The following CCSER1 variants were observed in gnomAD, a reference collection of about 807,000 sequenced individuals.
The protein encoded by CCSER1 is coiled-coil serine rich protein 1, also known as serine-rich coiled-coil domain-containing protein 1.
A neutral mutation model predicts 82.0 loss-of-function variants in CCSER1; 41 were observed. That is an observed-to-expected ratio of 0.50 (90% CI 0.39 to 0.65). The LOEUF (loss-of-function observed/expected upper bound fraction) is 0.65. Ranked by LOEUF, CCSER1 falls within the 30% of genes least tolerant of loss-of-function variation. The pLI is 0.00. For synonymous variants in CCSER1, 414 were observed against 383.9 expected, an observed-to-expected ratio of 1.08 and a Z score of -0.92; for missense variants, 1,119 against 1,064.2, an observed-to-expected ratio of 1.05 and a Z score of -0.72.
chr4:90,359,772 T>G (rs1218809799), intron 3 of CCSER1, among the ~76,000 whole-genome samples: 1 of 151,498 alleles, frequency 6.6e-6, no homozygotes, highest in African/African-American at 2.4e-5. Flanking sequence ...AATAAATCAG[T>G]CTTATCTATG....
chr4:90,553,671 A>G (rs1777785960), intron 5 of CCSER1, among the ~76,000 whole-genome samples: 1 of 152,174 alleles, frequency 6.6e-6, no homozygotes, highest in Admixed American at 6.5e-5. Context: ...ATTGGTTATA[A>G]ATAATCTTAT....
chr4:91,458,603 C>G (rs1185982892), intron 10 of CCSER1, among the ~76,000 whole-genome samples: 3 of 152,074 alleles, frequency 2.0e-5, no homozygotes, highest in African/African-American at 7.2e-5. Flanking sequence ...CTGTAGATCA[C>G]TTTGGGTGGT....
At chr4:91,449,858 T>C (rs1039253437) in intron 10 of CCSER1, among the ~76,000 whole-genome samples, 1 of 152,106 alleles carries the variant, frequency 6.6e-6, no homozygotes, top group Admixed American at 6.6e-5. Context: ...TAAAGCTGAA[T>C]AAAGTATATA....
intron 10 of CCSER1, among the ~76,000 whole-genome samples, chr4:91,323,582 G>C (rs1746345608): frequency 6.6e-6 from 1 of 152,086 alleles, no homozygotes. Flanking sequence ...ACACATTTAA[G>C]ATACATAGGT....
intron 10 of CCSER1, among the ~76,000 whole-genome samples, chr4:91,432,254 T>C (rs1754373323): frequency 6.6e-6 from 1 of 152,204 alleles, no homozygotes; most frequent in Admixed American, 6.5e-5. Context: ...GATTATCCAG[T>C]CTCAATTAGT....
At chr4:91,229,781 C>A (rs940893431) in intron 10 of CCSER1, among the ~76,000 whole-genome samples, 1 of 152,032 alleles carries the variant, frequency 6.6e-6, no homozygotes, top group South Asian at 2.1e-4. Context: ...GGGAGTTAAA[C>A]AATGAGAACG....
chr4:91,558,286 C>A (rs1181581639), intron 10 of CCSER1, among the ~76,000 whole-genome samples: 1 of 151,520 alleles, frequency 6.6e-6, no homozygotes, highest in East Asian at 1.9e-4. Flanking sequence ...ATTATTCCAG[C>A]CATTTTAAAA....
At chr4:91,109,658 A>C (rs2148869091) in intron 10 of CCSER1, among the ~76,000 whole-genome samples, 1 of 152,326 alleles carries the variant, frequency 6.6e-6, no homozygotes, top group East Asian at 1.9e-4. Flanking sequence ...GGCAACAAGA[A>C]AATGAATGTG....
intron 6 of CCSER1, among the ~76,000 whole-genome samples, chr4:90,661,307 ATTCG>A (rs1481591479): frequency 1.3e-5 from 2 of 152,202 alleles, no homozygotes; most frequent in African/African-American, 4.8e-5. Context: ...TATGACCTTT[ATTCG>A]TTATCATAAG....
chr4:91,083,599 AAT>A (rs1348695684), intron 9 of CCSER1, among the ~76,000 whole-genome samples: 4 of 152,120 alleles, frequency 2.6e-5, no homozygotes, highest in African/African-American at 9.6e-5. Context: ...AACTATTACA[AAT>A]AAAAATGTCA....
At chr4:90,413,773 C>T (rs1755273358) in intron 4 of CCSER1, among the ~76,000 whole-genome samples, 1 of 148,346 alleles carries the variant, frequency 6.7e-6, no homozygotes, top group Non-Finnish European at 1.5e-5. Context: ...GAAACCCCGT[C>T]TCCACTAAAA....
At chr4:91,358,296 C>A (rs1361624117) in intron 10 of CCSER1, among the ~76,000 whole-genome samples, 1 of 150,722 alleles carries the variant, frequency 6.6e-6, no homozygotes, top group Non-Finnish European at 1.5e-5. Flanking sequence ...ACCTTTGAAA[C>A]AAGGGACCTG....
chr4:90,341,370 T>C (rs960637144), intron 3 of CCSER1, among the ~76,000 whole-genome samples: 1 of 152,110 alleles, frequency 6.6e-6, no homozygotes, highest in Non-Finnish European at 1.5e-5. Context: ...TTAGATGGCA[T>C]GTAAATCAGA....
intron 8 of CCSER1, among the ~76,000 whole-genome samples, chr4:90,837,090 C>T (rs887183027): frequency 8.6e-5 from 13 of 152,044 alleles, no homozygotes. Context: ...AAGAAGCAAT[C>T]AAAGCATATG....
intron 8 of CCSER1, among the ~76,000 whole-genome samples, chr4:90,834,365 T>C (rs1254798389): frequency 6.6e-6 from 1 of 152,208 alleles, no homozygotes; most frequent in East Asian, 1.9e-4. Context: ...GTAAGTTGAA[T>C]AAAGAATTGA....
chr4:91,470,734 T>G (rs1757228061), intron 10 of CCSER1, among the ~76,000 whole-genome samples: 1 of 152,180 alleles, frequency 6.6e-6, no homozygotes, highest in South Asian at 2.1e-4. Flanking sequence ...CTGCTATGAG[T>G]TCTTGTAATC....
chr4:90,379,776 C>T lies in CCSER1; in HGVS notation c.1510-20260C>T, dbSNP rs371026553. On this transcript the variant is annotated intron_variant, in intron 3 of 10. Coordinates refer to ENST00000509176, the MANE Select transcript of CCSER1 (RefSeq NM_001145065.2). ...CATTGCTCTAAAGAAATATCCGAGA[C>T]TGGGTAATTTATAAGCAAAAGATAT... is the stretch of plus-strand genomic sequence containing the variant. Among the ~76,000 whole-genome samples the T allele has an allele frequency of 3.3e-3, 509 of 152,166 alleles. 4 individuals carry two copies. The highest frequency in any genetic ancestry group is 0.011 in the African/African-American group (469 of 41,504).
At chr4:91,557,498 C>T in intron 10 of CCSER1, among the ~76,000 whole-genome samples, 1 of 151,258 alleles carries the variant, frequency 6.6e-6, no homozygotes, top group East Asian at 1.9e-4. Context: ...AGAATTGATA[C>T]ATAAATAAAT....
intron 1 of CCSER1, among the ~76,000 whole-genome samples, chr4:90,160,149 T>G (rs1729160913): frequency 6.6e-6 from 1 of 152,196 alleles, no homozygotes; most frequent in Non-Finnish European, 1.5e-5. Flanking sequence ...ACTCAACCAG[T>G]GCACATTGCT....
Sources: allele counts gnomAD v4.1 joint callset (sites outside exome capture counted in the v4.1 genomes callset), GRCh38; gene constraint gnomAD v4.1.1; transcripts MANE v1.5; gene names NCBI Gene and HGNC (gene_info 2026-07-23, HGNC 2026-07-21).